NELL1: variants seen among roughly 807,000 people sequenced by gnomAD.
NELL1 encodes protein kinase C-binding protein NELL1.
Under a neutral mutation model 107.4 loss-of-function variants are expected in NELL1, and 76 were observed. That is an observed-to-expected ratio of 0.71 (90% CI 0.59 to 0.86). The LOEUF is 0.86. Ranked by LOEUF, NELL1 falls within the 40% of genes least tolerant of loss-of-function variation. The probability of loss-of-function intolerance (pLI) is 0.00; values close to 1 mark genes in which losing one functional copy is unlikely to be tolerated. For synonymous variants in NELL1, 353 were observed against 341.2 expected, an observed-to-expected ratio of 1.03 and a Z score of -0.38; for missense variants, 1,024 against 1,005.5, an observed-to-expected ratio of 1.02 and a Z score of -0.25.
At chr11:21,309,273 T>TATA (rs1554999504) in intron 14 of NELL1, among the ~76,000 whole-genome samples, 2 of 24,048 alleles carry the variant, frequency 8.3e-5, no homozygotes, top group Non-Finnish European at 1.9e-4. Flanking sequence ...TATATATATA[T>TATA]ATATATGTAT....
chr11:21,454,760 C>T (rs1454474395), intron 15 of NELL1, among the ~76,000 whole-genome samples: 1 of 152,124 alleles, frequency 6.6e-6, no homozygotes, highest in Non-Finnish European at 1.5e-5. Flanking sequence ...TTTCTGTGTC[C>T]TCATATGATA....
intron 15 of NELL1, among the ~76,000 whole-genome samples, chr11:21,426,788 A>C (rs982131567): frequency 1.3e-5 from 2 of 152,194 alleles, no homozygotes; most frequent in Non-Finnish European, 2.9e-5. Context: ...ATTATAGGAA[A>C]TTGATCTTGT....
chr11:21,059,477 T>G (rs1565038112), intron 12 of NELL1, among the ~76,000 whole-genome samples: 3 of 152,116 alleles, frequency 2.0e-5, no homozygotes, highest in African/African-American at 4.8e-5. Flanking sequence ...TTCTCTTGGA[T>G]TTTAGTCCTG....
chr11:20,910,581 G>A (rs899672871), intron 5 of NELL1, among the ~76,000 whole-genome samples: 1 of 152,224 alleles, frequency 6.6e-6, no homozygotes, highest in Non-Finnish European at 1.5e-5. Flanking sequence ...CCTGTGATTA[G>A]ATTACTGCCC....
At chr11:20,672,010 AGG>A (rs1057359727) in intron 1 of NELL1, among the ~76,000 whole-genome samples, 1 of 152,206 alleles carries the variant, frequency 6.6e-6, no homozygotes, top group African/African-American at 2.4e-5. Context: ...GCTGTTGCCT[AGG>A]GAGCTTGGGT....
intron 16 of NELL1, among the ~76,000 whole-genome samples, chr11:21,538,108 T>C (rs1856184458): frequency 6.6e-6 from 1 of 152,082 alleles, no homozygotes; most frequent in Admixed American, 6.5e-5. Context: ...GCATCTAAAA[T>C]AACCCTTACA....
intron 9 of NELL1, among the ~76,000 whole-genome samples, chr11:20,932,727 G>T (rs1342571657): frequency 1.3e-5 from 2 of 152,186 alleles, no homozygotes; most frequent in African/African-American, 4.8e-5. Context: ...AGTTTTGGGG[G>T]AGCCAAAATA....
At position 20,850,589 on chromosome 11, in the gene NELL1, A is replaced by G. The variant is rs189605928; in HGVS notation, c.506+2836A>G. On this transcript the variant is annotated intron_variant, in intron 4 of 19. Transcript: ENST00000357134. ...CCAAGTTTGACCTATGAGTGTCTGCATCTAGCTACTACTAAGCTATTTAGC... is the reference window on the plus strand; with the variant it reads ...CCAAGTTTGACCTATGAGTGTCTGCGTCTAGCTACTACTAAGCTATTTAGC... Among the ~76,000 whole-genome samples the G allele has an allele frequency of 2.1e-3, 327 of 152,318 alleles. 2 individuals are homozygous for G. Among genetic ancestry groups the G allele is most frequent in the Non-Finnish European group, 3.4e-3 (229 of 68,022 alleles).
intron 12 of NELL1, among the ~76,000 whole-genome samples, chr11:21,085,537 C>T (rs143938303): frequency 6.6e-6 from 1 of 151,902 alleles, no homozygotes; most frequent in Non-Finnish European, 1.5e-5. Flanking sequence ...TCAGAAGGCT[C>T]AGGTAGGAAG....
At chr11:21,117,311 T>A (rs531786916) in intron 13 of NELL1, among the ~76,000 whole-genome samples, 1 of 152,176 alleles carries the variant, frequency 6.6e-6, no homozygotes, top group African/African-American at 2.4e-5. Context: ...GATTCTTTTA[T>A]CTGTCTCTTT....
At chr11:21,381,167 A>T (rs1320489698) in intron 15 of NELL1, among the ~76,000 whole-genome samples, 1 of 152,032 alleles carries the variant, frequency 6.6e-6, no homozygotes, top group African/African-American at 2.4e-5. Context: ...AACTTAACAG[A>T]TTATACAGGA....
At chr11:21,115,801 A>G (rs1855222167) in intron 13 of NELL1, among the ~76,000 whole-genome samples, 1 of 151,938 alleles carries the variant, frequency 6.6e-6, no homozygotes, top group Admixed American at 6.6e-5. Context: ...TGCTGCCCCC[A>G]CCAACATACA....
At chr11:20,682,521 C>T (rs11025693) in intron 2 of NELL1, among the ~76,000 whole-genome samples, 12,759 of 151,558 alleles carry the variant, frequency 0.084, 693 homozygotes, top group Non-Finnish European at 0.11. Flanking sequence ...AAGTTAAAAA[C>T]GTAGATTCAT....
At chr11:20,911,188 C>G (rs1850124192) in intron 5 of NELL1, among the ~76,000 whole-genome samples, 1 of 152,206 alleles carries the variant, frequency 6.6e-6, no homozygotes, top group Admixed American at 6.5e-5. Context: ...AGACAGATAA[C>G]ACAAAGAACA....
At chr11:20,916,098 C>T (rs1423740423) in intron 5 of NELL1, among the ~76,000 whole-genome samples, 1 of 151,746 alleles carries the variant, frequency 6.6e-6, no homozygotes, top group African/African-American at 2.4e-5. Flanking sequence ...CATTTTCATG[C>T]CAGTATGTGG....
chr11:21,418,365 A>C (rs1258616700), intron 15 of NELL1, among the ~76,000 whole-genome samples: 1 of 152,134 alleles, frequency 6.6e-6, no homozygotes. Context: ...ATCTTGGTCA[A>C]CTTATCTACT....
At chr11:21,137,074 A>G (rs1470960037) in intron 13 of NELL1, among the ~76,000 whole-genome samples, 1 of 152,200 alleles carries the variant, frequency 6.6e-6, no homozygotes, top group Non-Finnish European at 1.5e-5. Flanking sequence ...GTGGTAAAGA[A>G]AGCAGTGGAG....
intron 10 of NELL1, among the ~76,000 whole-genome samples, chr11:20,944,909 T>C (rs905945664): frequency 6.6e-6 from 1 of 152,240 alleles, no homozygotes; most frequent in East Asian, 1.9e-4. Context: ...ATAGAAGATT[T>C]GTGAATGATT....
chr11:21,202,655 C>T (rs1249629643), intron 13 of NELL1, among the ~76,000 whole-genome samples: 2 of 151,992 alleles, frequency 1.3e-5, no homozygotes, highest in African/African-American at 2.4e-5. Context: ...AGTTATTTCT[C>T]ATCTTCTGCT....
Sources: allele counts gnomAD v4.1 joint callset (sites outside exome capture counted in the v4.1 genomes callset), GRCh38; gene constraint gnomAD v4.1.1; transcripts MANE v1.5; gene names NCBI Gene and HGNC (gene_info 2026-07-23, HGNC 2026-07-21).